Variants in BBX observed in about 807,000 individuals in gnomAD.
BBX encodes BBX high mobility group box domain containing, also known as HMG box transcription factor BBX.
BBX carries 30 observed loss-of-function variants against 100.2 expected under a neutral mutation model. The ratio of observed to expected loss-of-function variants is 0.30; its 90% CI spans 0.22 to 0.41. The LOEUF (loss-of-function observed/expected upper bound fraction) is 0.41. BBX is among the 10% of genes least tolerant of loss of function. The pLI is 1.00. For synonymous variants in BBX, 376 were observed against 388.1 expected, an observed-to-expected ratio of 0.97 and a Z score of 0.37; for missense variants, 1,023 against 1,129.8, an observed-to-expected ratio of 0.91 and a Z score of 1.35.
At chr3:107,665,176 A>G (rs2058675051) in intron 3 of BBX, among the ~76,000 whole-genome samples, 1 of 152,132 alleles carries the variant, frequency 6.6e-6, no homozygotes, top group Non-Finnish European at 1.5e-5. Flanking sequence ...ATGGGTATTT[A>G]TTGAATGTAG....
intron 2 of BBX, among the ~76,000 whole-genome samples, chr3:107,631,377 C>T (rs555485225): frequency 3.3e-5 from 5 of 152,144 alleles, no homozygotes; most frequent in African/African-American, 1.2e-4. Context: ...AAGATACGTG[C>T]GGTGGGAGAA....
intron 4 of BBX, among the ~76,000 whole-genome samples, chr3:107,712,128 C>T (rs1009250542): frequency 2.6e-5 from 4 of 152,162 alleles, no homozygotes; most frequent in African/African-American, 9.7e-5. Context: ...CCTCCCTTCT[C>T]AACCTTTCAA....
At chr3:107,675,645 A>C (rs961647066) in intron 3 of BBX, among the ~76,000 whole-genome samples, 1 of 152,148 alleles carries the variant, frequency 6.6e-6, no homozygotes, top group Non-Finnish European at 1.5e-5. Context: ...ATAGTACCTT[A>C]AGAAGCTTTT....
intron 3 of BBX, among the ~76,000 whole-genome samples, chr3:107,649,894 G>A (rs1042448747): frequency 6.6e-6 from 1 of 152,058 alleles, no homozygotes; most frequent in African/African-American, 2.4e-5. Context: ...ACAGAGTGAT[G>A]GTCAAAAGTT....
At chr3:107,592,489 T>C (rs1460768825) in intron 2 of BBX, among the ~76,000 whole-genome samples, 4 of 151,740 alleles carry the variant, frequency 2.6e-5, no homozygotes, top group Admixed American at 2.0e-4. Context: ...AACAGAATGC[T>C]CAATCTTAAA....
At chr3:107,523,246 G>T in intron 1 of BBX, 139 bp downstream of exon 1, 2 of 224,516 alleles carry the variant, frequency 8.9e-6, no homozygotes, top group African/African-American at 2.4e-5. Context: ...GGCGGCGGCG[G>T]CAGCCGGTAG....
chr3:107,733,532 G>A (rs1457863461), intron 7 of BBX, among the ~76,000 whole-genome samples: 1 of 152,040 alleles, frequency 6.6e-6, no homozygotes, highest in South Asian at 2.1e-4. Context: ...TCACTCTGTT[G>A]CCCAGGCTGG....
chr3:107,789,968 T>C (rs1277182376), intron 14 of BBX, 92 bp downstream of exon 14: 1 of 980,864 alleles, frequency 1.0e-6, no homozygotes, highest in South Asian at 1.9e-5. Flanking sequence ...GCCTTTGCCT[T>C]GTCCTCCCCT....
intron 2 of BBX, among the ~76,000 whole-genome samples, chr3:107,597,288 T>A (rs918383277): frequency 6.6e-6 from 1 of 152,208 alleles, no homozygotes; most frequent in Non-Finnish European, 1.5e-5. Context: ...ATCTATTGAT[T>A]ACCCTATCAT....
chr3:107,733,591 C>T (rs528393062), intron 7 of BBX, among the ~76,000 whole-genome samples: 1 of 152,274 alleles, frequency 6.6e-6, no homozygotes, highest in Admixed American at 6.5e-5. Flanking sequence ...ATTCTCTCAC[C>T]TCAGCCTTTT....
chr3:107,736,592 A>T lies in BBX; in HGVS notation c.669+3569A>T, dbSNP rs548060766. On this transcript the variant is annotated intron_variant, in intron 7 of 17. Transcript: ENST00000325805. ...AAATACAAAAAATTGTCAGTACTTG[A>T]TCTAGAATTTCTAGAAGTAATCTCC... 2.6e-5 allele frequency among the ~76,000 whole-genome samples: 4 copies of T among 152,230 alleles called. No homozygotes were observed. In the South Asian group the frequency reaches 8.3e-4, roughly 32 times the overall value.
chr3:107,747,859 T>C (rs1055917136), intron 8 of BBX, 106 bp from the exon 9 acceptor site: 11 of 872,108 alleles, frequency 1.3e-5, no homozygotes, highest in African/African-American at 3.4e-5. Flanking sequence ...TAATGACTCA[T>C]TTTTAAATCT....
At chr3:107,688,009 T>C (rs2059945185) in intron 3 of BBX, among the ~76,000 whole-genome samples, 1 of 151,978 alleles carries the variant, frequency 6.6e-6, no homozygotes, top group Admixed American at 6.6e-5. Flanking sequence ...GAGCTGAGAT[T>C]GCACCACAGC....
At chr3:107,590,366 CAT>C (rs1216823356) in intron 2 of BBX, among the ~76,000 whole-genome samples, 2 of 152,170 alleles carry the variant, frequency 1.3e-5, no homozygotes, top group East Asian at 1.9e-4. Flanking sequence ...TCACCTCAAA[CAT>C]GTATCATTTT....
chr3:107,798,607 C>G lies in BBX; in HGVS notation c.2438C>G (p.Thr813Arg), dbSNP rs1235427222. ...IPSIFNTPEP[T>R]TTQEPLVGSQ... is the part of the protein sequence containing the mutation. ...TCCATTTTCAACACTCCAGAGCCAA[C>G]AACAACGCAAGAACCTTTGGTGGGC... The change falls in exon 16 of 18, where the codon ACA (threonine) becomes AGA (arginine). Residue 813 changes from threonine (T) to arginine (R), a missense_variant. Transcript: ENST00000325805. The G allele has an allele frequency of 6.2e-7, 1 of 1,614,058 alleles. No individual in the cohort carries two copies. The highest frequency in any genetic ancestry group is 1.7e-5 in the Admixed American group (1 of 60,024).
chr3:107,535,740 G>A (rs1271927960), intron 2 of BBX, among the ~76,000 whole-genome samples: 2 of 151,886 alleles, frequency 1.3e-5, no homozygotes, highest in Non-Finnish European at 2.9e-5. Context: ...TTACAGGTGC[G>A]GGTCACCACG....
At chr3:107,738,359 A>G (rs1338826875) in intron 7 of BBX, among the ~76,000 whole-genome samples, 3 of 152,174 alleles carry the variant, frequency 2.0e-5, no homozygotes, top group Admixed American at 6.6e-5. Context: ...CAAGATTTAA[A>G]CTGCAGCAGG....
At chr3:107,634,945 A>C (rs1223569951) in intron 2 of BBX, among the ~76,000 whole-genome samples, 2 of 152,186 alleles carry the variant, frequency 1.3e-5, no homozygotes, top group Admixed American at 1.3e-4. Flanking sequence ...TTTGAAGTTT[A>C]TGTTTTTGAT....
chr3:107,791,018 A>G (rs920441091), intron 14 of BBX, among the ~76,000 whole-genome samples: 4 of 152,212 alleles, frequency 2.6e-5, no homozygotes, highest in African/African-American at 7.2e-5. Flanking sequence ...CCAACACTAT[A>G]TTTCATAAAA....
Sources: gnomAD v4.1 joint callset for allele counts (sites outside exome capture counted in the v4.1 genomes callset) on GRCh38, gnomAD v4.1.1 for gene constraint, MANE v1.5 for transcripts, NCBI Gene and HGNC (gene_info 2026-07-23, HGNC 2026-07-21) for gene names.